Variants in RHBDF2 observed in about 807,000 individuals in gnomAD.
The protein encoded by RHBDF2 is rhomboid 5 homolog 2.
Under a neutral mutation model 95.2 loss-of-function variants are expected in RHBDF2, and 38 were observed. The observed-to-expected ratio is 0.40, with a 90% CI of 0.31 to 0.52. The LOEUF is 0.52. RHBDF2 is among the 20% of genes least tolerant of loss of function. RHBDF2 has a pLI of 0.56. For missense variants in RHBDF2, 863 were observed against 1,137.7 expected, an observed-to-expected ratio of 0.76 and a Z score of 3.47; for synonymous variants, 442 against 462.0, an observed-to-expected ratio of 0.96 and a Z score of 0.55.
At chr17:76,472,624 G>T in intron 18 of RHBDF2, 62 bp downstream of exon 18, 1 of 1,605,264 alleles carries the variant, frequency 6.2e-7, no homozygotes, top group Non-Finnish European at 8.5e-7. Flanking sequence ...CAGGTGGGTG[G>T]AATAGGAGCA....
Position 76,487,805 on chromosome 17 carries a change from C to T in RHBDF2, c.-115G>A, listed in dbSNP as rs73998928. 2,571 of 152,346 alleles carry T rather than the reference C, an allele frequency of 0.017. 79 individuals carry two copies. Among genetic ancestry groups the T allele is most frequent in the African/African-American group, 0.056 (2,331 of 41,506 alleles). 9.4% of individuals were successfully genotyped at this position (152,346 alleles called of 1,614,324 possible). A position where few individuals can be genotyped will look rare whatever the true frequency, so the allele number is the denominator to read the frequency against. On this transcript the variant is annotated 5_prime_UTR_variant, in exon 2 of 19. Coordinates refer to ENST00000675367, the MANE Select transcript of RHBDF2 (RefSeq NM_001005498.4). ...TTCTCCTTGCTCTGTACAGATGCTC[C>T]GGTGTCAAGCCTCAGTCTGTGGAAG... is the stretch of plus-strand genomic sequence containing the variant.
At chr17:76,490,016 AG>A (rs1163747687) in intron 1 of RHBDF2, among the ~76,000 whole-genome samples, 1 of 152,186 alleles carries the variant, frequency 6.6e-6, no homozygotes, top group Non-Finnish European at 1.5e-5. Flanking sequence ...TTCCAAACCA[AG>A]CTCCTCAGAG....
chr17:76,479,005 A>G lies in RHBDF2; in HGVS notation c.473T>C (p.Val158Ala). 1 of 1,601,592 alleles carries G rather than the reference A, an allele frequency of 6.2e-7. No individual in the cohort carries two copies. The highest frequency in any genetic ancestry group is 8.5e-7 in the Non-Finnish European group (1 of 1,172,210). The change falls in exon 6 of 19, where the codon GTG (valine) becomes GCG (alanine). Residue 158 changes from valine to alanine, a missense_variant. Coordinates refer to ENST00000675367, the MANE Select transcript of RHBDF2 (RefSeq NM_001005498.4). ...GGCCCGGCCCCGGGCCAGCGGATCC[A>G]CAATCTGGAAGGGAGGGGGGCGGTA... ...SPKPCKMPKI[V>A]DPLARGRAFR...
intron 7 of RHBDF2, 91 bp from the exon 8 acceptor site, chr17:76,477,389 C>T: frequency 7.0e-7 from 1 of 1,428,696 alleles, no homozygotes; most frequent in South Asian, 1.3e-5. Context: ...CACAGCTGAA[C>T]AGACGGGCTC....
chr17:76,500,269 T>G (rs2074546844), intron 1 of RHBDF2, among the ~76,000 whole-genome samples: 1 of 151,998 alleles, frequency 6.6e-6, no homozygotes, highest in South Asian at 2.1e-4. Context: ...ACCCACTACC[T>G]GCCAGTAACA....
Position 76,473,836 on chromosome 17 carries a change from C to T in RHBDF2, c.1638+3G>A, listed in dbSNP as rs2073672828. 5 of 1,613,946 alleles carry T rather than the reference C, an allele frequency of 3.1e-6. No homozygotes were observed. Among genetic ancestry groups the T allele is most frequent in the South Asian group, 2.2e-5 (2 of 91,090 alleles). ...CAGACCACTCCCCGCCAGGGACACTCACCGGCCACTTAGTGATGTCATCGG... is the reference window on the plus strand; with the variant it reads ...CAGACCACTCCCCGCCAGGGACACTTACCGGCCACTTAGTGATGTCATCGG... On this transcript the variant is annotated splice_donor_region_variant and intron_variant, in intron 14 of 18. Transcript: ENST00000675367.
At chr17:76,477,105 G>A (rs952959200) in intron 8 of RHBDF2, 75 bp downstream of exon 8, 1 of 1,610,648 alleles carries the variant, frequency 6.2e-7, no homozygotes, top group Non-Finnish European at 8.5e-7. Context: ...AAGGGGCTTG[G>A]GGGCCAGGGT....
intron 1 of RHBDF2, among the ~76,000 whole-genome samples, chr17:76,489,042 C>T (rs530757749): frequency 1.3e-5 from 2 of 152,188 alleles, no homozygotes; most frequent in South Asian, 4.1e-4. Context: ...AGGAGAGTTA[C>T]TTGAACCCGG....
chr17:76,488,666 G>C (rs550399308), intron 1 of RHBDF2, among the ~76,000 whole-genome samples: 4 of 152,166 alleles, frequency 2.6e-5, no homozygotes, highest in East Asian at 1.9e-4. Flanking sequence ...AAATTAGCCG[G>C]GGCTGGGTGC....
In RHBDF2 at chr17:76,473,827, A is replaced by G. The variant is rs114994065; in HGVS notation, c.1638+12T>C. On this transcript the variant is annotated intron_variant, in intron 14 of 18. Transcript: ENST00000675367. ...TGACCTTCCCAGACCACTCCCCGCC[A>G]GGGACACTCACCGGCCACTTAGTGA... is the stretch of plus-strand genomic sequence containing the variant. The G allele has an allele frequency of 2.2e-3, 3,479 of 1,613,964 alleles. 76 individuals are homozygous for G. The African/African-American group carries it at 0.04, about 19-fold the overall frequency.
intron 11 of RHBDF2, 63 bp downstream of exon 11, chr17:76,474,667 G>A (rs747104951): frequency 1.2e-6 from 2 of 1,613,848 alleles, no homozygotes; most frequent in Non-Finnish European, 1.7e-6. Flanking sequence ...CACCTGCCCA[G>A]CTGGGAGTGA....
chr17:76,475,125 A>T lies in RHBDF2; in HGVS notation c.1132T>A (p.Trp378Arg). The change falls in exon 10 of 19, where the codon TGG (tryptophan) becomes AGG (arginine). Residue 378 changes from tryptophan to arginine, a missense_variant. Trp to Arg is a moderately radical substitution (Grantham distance 101, BLOSUM62 -3). Transcript: ENST00000675367. ...FDSHRPYFTYWLTFVHVIITL... is the reference protein window; with the variant it reads ...FDSHRPYFTYRLTFVHVIITL... ...ATGATGACATGGACGAAGGTCAGCC[A>T]GTAGGTGAAGTAGGGCCTGTGCAGA... 6.3e-7 allele frequency: 1 copy of T among 1,593,138 alleles called. No individual in the cohort carries two copies. Among genetic ancestry groups the T allele is most frequent in the Non-Finnish European group, 8.5e-7 (1 of 1,170,652 alleles).
chr17:76,484,540 T>C (rs1373781512), intron 2 of RHBDF2, among the ~76,000 whole-genome samples: 1 of 151,352 alleles, frequency 6.6e-6, no homozygotes, highest in Non-Finnish European at 1.5e-5. Flanking sequence ...ACCTGGAGGC[T>C]CACTCCACTC....
intron 1 of RHBDF2, among the ~76,000 whole-genome samples, chr17:76,493,553 G>A (rs2074359517): frequency 6.6e-6 from 1 of 152,162 alleles, no homozygotes; most frequent in Non-Finnish European, 1.5e-5. Context: ...AGAAGGGCAG[G>A]GTTGGCATGA....
chr17:76,481,255 C>G, intron 3 of RHBDF2, 120 bp downstream of exon 3: 1 of 1,181,224 alleles, frequency 8.5e-7, no homozygotes, highest in Non-Finnish European at 1.2e-6. Context: ...AAGGGCTGCA[C>G]AGACAGCAGC....
chr17:76,479,869 A>C lies in RHBDF2; in HGVS notation c.151-15T>G. ...GGGTTCTTCCTCTTGGGGAGGAAGG[A>C]GGGAGGGCAGGCGGTGGTGTGTGCA... On this transcript the variant is annotated splice_polypyrimidine_tract_variant and intron_variant, in intron 3 of 18. Coordinates refer to ENST00000675367, the MANE Select transcript of RHBDF2 (RefSeq NM_001005498.4). 1 of 1,611,410 alleles carries C rather than the reference A, an allele frequency of 6.2e-7. No homozygotes were observed. Among genetic ancestry groups the C allele is most frequent in the Non-Finnish European group, 8.5e-7 (1 of 1,179,190 alleles).
intron 4 of RHBDF2, 122 bp from the exon 5 acceptor site, chr17:76,479,399 G>A: frequency 7.3e-7 from 1 of 1,363,462 alleles, no homozygotes; most frequent in South Asian, 1.2e-5. Flanking sequence ...GGGCGGATCT[G>A]CCTGTGAGGC....
intron 1 of RHBDF2, among the ~76,000 whole-genome samples, chr17:76,492,207 GA>G (rs938142634): frequency 6.6e-6 from 1 of 152,124 alleles, no homozygotes; most frequent in Non-Finnish European, 1.5e-5. Context: ...TGGGGCGGGG[GA>G]AATCCTGAAA....
intron 1 of RHBDF2, among the ~76,000 whole-genome samples, chr17:76,488,642 T>C (rs1358178319): frequency 6.6e-6 from 1 of 151,848 alleles, no homozygotes; most frequent in African/African-American, 2.4e-5. Context: ...ACCCTGTCTC[T>C]ACTAAGAATA....
Sources: gnomAD v4.1 joint callset for allele counts (sites outside exome capture counted in the v4.1 genomes callset) on GRCh38, gnomAD v4.1.1 for gene constraint, MANE v1.5 for transcripts, NCBI Gene and HGNC (gene_info 2026-07-23, HGNC 2026-07-21) for gene names.